SKIDA1: variants seen among roughly 807,000 people sequenced by gnomAD.
The protein encoded by SKIDA1 is SKI/DACH domain-containing protein 1.
SKIDA1 carries 18 observed loss-of-function variants against 51.4 expected under a neutral mutation model. The ratio of observed to expected loss-of-function variants is 0.35; its 90% CI spans 0.24 to 0.52. SKIDA1 has a LOEUF of 0.52. Ranked by LOEUF, SKIDA1 falls within the 20% of genes least tolerant of loss-of-function variation. The pLI is 0.95. For missense variants in SKIDA1, 1,104 were observed against 1,180.6 expected, an observed-to-expected ratio of 0.94 and a Z score of 0.95; for synonymous variants, 579 against 500.5, an observed-to-expected ratio of 1.16 and a Z score of -2.09.
At position 21,516,770 on chromosome 10, in the gene SKIDA1, G is replaced by GTGGTGGTGGTGGTGGTGGTGA. The variant is rs1190173285; in HGVS notation, c.1032_1052dup (p.His345_His351dup). ...GACTCTGCTGCGGCGGCTGGGCCCG[G>GTGGTGGTGGTGGTGGTGGTGA]TGGTGGTGGTGGTGGTGGTGATGGT... On this transcript the variant is annotated inframe_insertion, in exon 4 of 4. Coordinates refer to ENST00000449193, the MANE Select transcript of SKIDA1 (RefSeq NM_207371.4). This position sits in a 1 kb window ranked among gnomAD's most constrained non-coding sequence, Gnocchi z 5.7. 4 of 1,521,306 alleles carry GTGGTGGTGGTGGTGGTGGTGA rather than the reference G, an allele frequency of 2.6e-6. No homozygotes were observed. In the South Asian group the frequency reaches 3.7e-5, roughly 14 times the overall value. 94.2% of individuals were successfully genotyped at this position (1,521,306 alleles called of 1,614,324 possible).
chr10:21,515,779 G>A lies in SKIDA1; in HGVS notation c.2044C>T (p.Leu682=). The A allele has an allele frequency of 6.2e-7, 1 of 1,613,994 alleles. No homozygotes were observed. The highest frequency in any genetic ancestry group is 1.1e-5 in the South Asian group (1 of 91,088). Residue 682 remains leucine, a synonymous_variant, in exon 4 of 4, where the codon CTG becomes TTG. Coordinates refer to ENST00000449193, the MANE Select transcript of SKIDA1 (RefSeq NM_207371.4). ...TDTGDKTLPF[L]HNIKIKVEDS... is the part of the protein sequence containing the mutation. The stretch of plus-strand genomic sequence containing the variant: ...TCTACTTTGATTTTAATATTGTGCA[G>A]AAATGGCAATGTCTTGTCGCCTGTG...
intron 1 of SKIDA1, among the ~76,000 whole-genome samples, chr10:21,524,504 T>C (rs557365228): frequency 6.8e-6 from 1 of 147,718 alleles, no homozygotes; most frequent in South Asian, 2.1e-4. Context: ...CCTTTCCTTT[T>C]GAAAGTTTAG....
chr10:21,515,364 A>C lies in SKIDA1; in HGVS notation c.2459T>G (p.Leu820Arg). 6.2e-7 allele frequency: 1 copy of C among 1,614,008 alleles called. No individual in the cohort carries two copies. Among genetic ancestry groups the C allele is most frequent in the Non-Finnish European group, 8.5e-7 (1 of 1,179,898 alleles). The stretch of plus-strand genomic sequence containing the variant: ...TCTGTTTATAACTGTAAAATCATCC[A>C]GTGTTCCTTCATTTGTCTCAGTTTT... ...TGKTETNEGT[L>R]DDFTVINRRK... Residue 820 changes from leucine to arginine, a missense_variant, in exon 4 of 4, where the codon CTG (leucine) becomes CGG (arginine). This residue lies in a region of SKIDA1 where 112 missense variants were observed against 168.3 expected (regional missense o/e 0.67). Coordinates refer to ENST00000449193, the MANE Select transcript of SKIDA1 (RefSeq NM_207371.4).
chr10:21,521,272 A>G (rs948165222), intron 3 of SKIDA1, 117 bp downstream of exon 3: 4 of 152,488 alleles, frequency 2.6e-5, no homozygotes, highest in Non-Finnish European at 5.9e-5. Context: ...TTCGATCAAT[A>G]GCTACCAACA....
In SKIDA1 at chr10:21,515,298, C is replaced by T. The variant is rs760773536; in HGVS notation, c.2525G>A (p.Arg842Lys). Residue 842 changes from arginine (R) to lysine (K), a missense_variant, in exon 4 of 4, where the codon AGG becomes AAG. Around this residue, in one of 3 missense-constraint regions of SKIDA1, gnomAD observed 112 missense variants for 168.3 expected, o/e 0.67. Transcript: ENST00000449193. The part of the protein sequence containing the change: ...VASNVASAVK[R>K]PFHFMANFPC... Reference sequence around the variant, plus strand: ...AAAATTTGCCATGAAATGAAATGGCCTTTTCACTGCTGATGCTACATTGCT... The same window carrying T: ...AAAATTTGCCATGAAATGAAATGGCTTTTTCACTGCTGATGCTACATTGCT... The T allele has an allele frequency of 3.1e-6, 5 of 1,613,960 alleles. No homozygotes were observed. The highest frequency in any genetic ancestry group is 3.3e-4 in the Middle Eastern group (2 of 6,062).
chr10:21,517,952 G>C lies in SKIDA1; in HGVS notation c.-130C>G. ...GGCATCCTGCTAATAAAATAACAAA[G>C]ACTGTTATTCCCGGCGAAGGAAGTG... On this transcript the variant is annotated 5_prime_UTR_variant, in exon 4 of 4. Transcript: ENST00000449193. The surrounding 1 kb of genome is among the most constrained non-coding windows in gnomAD (Gnocchi z 6.9). 4.9e-6 allele frequency: 4 copies of C among 818,108 alleles called. No homozygotes were observed. The highest frequency in any genetic ancestry group is 3.2e-5 in the East Asian group (1 of 31,438). 50.7% of individuals were successfully genotyped at this position (818,108 alleles called of 1,614,324 possible).
Position 21,517,478 on chromosome 10 carries a change from C to G in SKIDA1, c.345G>C (p.Lys115Asn). 6.5e-7 allele frequency: 1 copy of G among 1,540,212 alleles called. No homozygotes were observed. The highest frequency in any genetic ancestry group is 2.5e-5 in the East Asian group (1 of 40,616). ...CAGCGGCGCGCTCTGGCGGCGGCGC[C>G]TTTGTGGCCAGGGCCCGGCCGACCC... is the stretch of plus-strand genomic sequence containing the variant. Reference protein sequence around the residue: ...RRRVGRALATKAPPPERAAAA... With the variant: ...RRRVGRALATNAPPPERAAAA... The change falls in exon 4 of 4, where the codon AAG becomes AAC. Residue 115 changes from lysine to asparagine, a missense_variant. Physicochemically the swap from Lys to Asn is moderately conservative, Grantham distance 94. Coordinates refer to ENST00000449193, the MANE Select transcript of SKIDA1 (RefSeq NM_207371.4). The surrounding 1 kb of genome is among the most constrained non-coding windows in gnomAD (Gnocchi z 6.9).
Position 21,516,844 on chromosome 10 carries a change from G to A in SKIDA1, c.979C>T (p.His327Tyr), listed in dbSNP as rs2032229634. The A allele has an allele frequency of 2.6e-6, 4 of 1,539,422 alleles. No individual in the cohort carries two copies. The South Asian group carries it at 3.6e-5, about 14-fold the overall frequency. ...GGCGGGCAGAAGCCGTTGACCAGAT[G>A]AAACCTCTCCAGGCAAGTGGCCCCC... ...AAGATCLERF[H>Y]LVNGFCPPPH... The change falls in exon 4 of 4, where the codon CAT becomes TAT. Residue 327 changes from histidine to tyrosine, a missense_variant. His to Tyr is a moderately conservative substitution (Grantham distance 83). Around this residue, in one of 3 missense-constraint regions of SKIDA1, gnomAD observed 938 missense variants for 886.4 expected, o/e 1.06. Coordinates refer to ENST00000449193, the MANE Select transcript of SKIDA1 (RefSeq NM_207371.4). This position sits in a 1 kb window ranked among gnomAD's most constrained non-coding sequence, Gnocchi z 5.7.
rs762910782 is a variant in SKIDA1 at position 21,517,353 on chromosome 10, C to A, written c.470G>T (p.Arg157Leu). The A allele has an allele frequency of 1.4e-6, 2 of 1,416,524 alleles. No individual in the cohort carries two copies. The highest frequency in any genetic ancestry group is 1.8e-6 in the Non-Finnish European group (2 of 1,084,964). 87.7% of individuals were successfully genotyped at this position (1,416,524 alleles called of 1,614,324 possible). A position where few individuals can be genotyped will look rare whatever the true frequency, so the allele number is the denominator to read the frequency against. Residue 157 changes from arginine (R) to leucine (L), a missense_variant, in exon 4 of 4, where the codon CGC becomes CTC. Arg to Leu is a moderately radical substitution (Grantham distance 102). Coordinates refer to ENST00000449193, the MANE Select transcript of SKIDA1 (RefSeq NM_207371.4). This position sits in a 1 kb window ranked among gnomAD's most constrained non-coding sequence, Gnocchi z 6.9. Reference sequence around the variant, plus strand: ...GGGGCGCGCGGCGGCGGCGCCCGGGCGCTGGGACTGCGCGCTGATTGGCAG... The same window carrying A: ...GGGGCGCGCGGCGGCGGCGCCCGGGAGCTGGGACTGCGCGCTGATTGGCAG... ...RPLPISAQSQ[R>L]PGAAAARPAA...
At position 21,516,000 on chromosome 10, in the gene SKIDA1, G is replaced by A. The variant is rs1588681114; in HGVS notation, c.1823C>T (p.Thr608Ile). ...TATTGTGTTGTTATCTGCACAGTGT[G>A]TAGTAGGAGTTGTTTGTAGGCATTT... is the stretch of plus-strand genomic sequence containing the variant. ...ARKCLQTTPTTHCADNNTIAA... is the reference protein window; with the variant it reads ...ARKCLQTTPTIHCADNNTIAA... Residue 608 changes from threonine to isoleucine, a missense_variant, in exon 4 of 4, where the codon ACA becomes ATA. This residue lies in a region of SKIDA1 where 938 missense variants were observed against 886.4 expected (regional missense o/e 1.06). Transcript: ENST00000449193. 6.2e-7 allele frequency: 1 copy of A among 1,613,904 alleles called. No individual in the cohort carries two copies. The highest frequency in any genetic ancestry group is 1.3e-5 in the African/African-American group (1 of 74,942).
chr10:21,519,743 A>T (rs2131274391), intron 3 of SKIDA1, 85 bp from the exon 4 acceptor site: 1 of 166,870 alleles, frequency 6.0e-6, no homozygotes, highest in Non-Finnish European at 1.5e-5. Context: ...TGGCACGAGC[A>T]GGTATGGCTC....
Position 21,516,194 on chromosome 10 carries a change from A to T in SKIDA1, c.1629T>A (p.Ala543=). The change falls in exon 4 of 4, where the codon GCT becomes GCA. Residue 543 remains alanine, a synonymous_variant. Coordinates refer to ENST00000449193, the MANE Select transcript of SKIDA1 (RefSeq NM_207371.4). The surrounding 1 kb of genome is among the most constrained non-coding windows in gnomAD (Gnocchi z 5.7). ...YCPASLGSCF[A]EIRNDRVSEI... is the part of the protein sequence containing the mutation. ...CAGATACCCTATCGTTCCTTATCTC[A>T]GCGAAACAACTCCCCAGGCTGGCCG... 6.2e-7 allele frequency: 1 copy of T among 1,613,984 alleles called. No individual in the cohort carries two copies. The highest frequency in any genetic ancestry group is 8.5e-7 in the Non-Finnish European group (1 of 1,179,890).
rs866254958 is a variant in SKIDA1, at chr10:21,515,500, C to A, written c.2323G>T (p.Ala775Ser). ...KPEDGEYKFG[A>S]RVRKNYRTLV... Reference sequence around the variant, plus strand: ...GTCCGGTAATTTTTTCTCACCCTGGCACCAAATTTATATTCCCCATCCTCA... The same window carrying A: ...GTCCGGTAATTTTTTCTCACCCTGGAACCAAATTTATATTCCCCATCCTCA... The change falls in exon 4 of 4, where the codon GCC (alanine) becomes TCC (serine). Residue 775 changes from alanine to serine, a missense_variant. By Grantham distance (99) the Ala-to-Ser change is moderately conservative (BLOSUM62 1). Transcript: ENST00000449193. The A allele has an allele frequency of 1.2e-6, 2 of 1,613,874 alleles. No individual in the cohort carries two copies. The highest frequency in any genetic ancestry group is 1.3e-5 in the African/African-American group (1 of 74,908).
chr10:21,524,906 T>TTACTG (rs2032617967), intron 1 of SKIDA1: 1 of 152,194 alleles, frequency 6.6e-6, no homozygotes, highest in Non-Finnish European at 1.5e-5. Flanking sequence ...GGGATTCGCT[T>TTACTG]TACTCTACCT....
At position 21,517,039 on chromosome 10, in the gene SKIDA1, C is replaced by T. The variant is rs1233363273; in HGVS notation, c.784G>A (p.Gly262Arg). ...CGGTAGCTCAGGCTCCCCGGGCCTC[C>T]GGCGCCCGCCGCTGCCTTGGGCTGG... ...GPQPKAAAGA[G>R]GPGSLSYRCK... Residue 262 changes from glycine to arginine, a missense_variant, in exon 4 of 4, where the codon GGA (glycine) becomes AGA (arginine). By Grantham distance (125) the Gly-to-Arg change is moderately radical. Transcript: ENST00000449193. The surrounding 1 kb of genome is among the most constrained non-coding windows in gnomAD (Gnocchi z 6.9). 10 of 1,021,020 alleles carry T rather than the reference C, an allele frequency of 9.8e-6. No individual in the cohort carries two copies. In the African/African-American group the frequency reaches 1.3e-4, roughly 13 times the overall value. The allele number at this position is 1,021,020 out of a possible 1,614,324, so 63.2% of individuals were successfully genotyped here.
Position 21,516,872 on chromosome 10 carries a change from GGCGGCCGCCGC to G in SKIDA1, c.940_950del (p.Ala314ArgfsTer121). 1 of 1,299,508 alleles carries G rather than the reference GGCGGCCGCCGC, an allele frequency of 7.7e-7. No homozygotes were observed. The highest frequency in any genetic ancestry group is 2.9e-5 in the South Asian group (1 of 34,602). The allele number at this position is 1,299,508 out of a possible 1,614,324, so 80.5% of individuals were successfully genotyped here. A position where few individuals can be genotyped will look rare whatever the true frequency, so the allele number is the denominator to read the frequency against. On this transcript the variant is annotated frameshift_variant, in exon 4 of 4. Transcript: ENST00000449193. LOFTEE classifies it high-confidence loss of function. This position sits in a 1 kb window ranked among gnomAD's most constrained non-coding sequence, Gnocchi z 5.7. ...ACCTCTCCAGGCAAGTGGCCCCCGC[GGCGGCCGCCGC>G]CGCCGCTGCCGCCGCCGCCGCCGCC...
Position 21,517,247 on chromosome 10 carries a change from A to G in SKIDA1, c.576T>C (p.Pro192=). 1 of 1,472,094 alleles carries G rather than the reference A, an allele frequency of 6.8e-7. No homozygotes were observed. The highest frequency in any genetic ancestry group is 9.0e-7 in the Non-Finnish European group (1 of 1,109,044). The allele number at this position is 1,472,094 out of a possible 1,614,324, so 91.2% of individuals were successfully genotyped here. ...GGAGCGGGGCAGTTTCATAGTTTAG[A>G]GGGGGTTTGCACGGCGAGCGCACGA... ...PEIVRSPCKP[P]LNYETAPLQG... is the part of the protein sequence containing the mutation. The change falls in exon 4 of 4, where the codon CCT becomes CCC. Residue 192 remains proline, a synonymous_variant. Coordinates refer to ENST00000449193, the MANE Select transcript of SKIDA1 (RefSeq NM_207371.4). This position sits in a 1 kb window ranked among gnomAD's most constrained non-coding sequence, Gnocchi z 6.9.
intron 3 of SKIDA1, among the ~76,000 whole-genome samples, chr10:21,520,454 G>A (rs567903995): frequency 2.3e-5 from 3 of 129,980 alleles, no homozygotes; most frequent in East Asian, 5.3e-4. Context: ...ATATAGTACT[G>A]CCAGCCCTCG....
intron 2 of SKIDA1, among the ~76,000 whole-genome samples, chr10:21,523,374 C>T (rs1044342615): frequency 1.3e-5 from 2 of 152,152 alleles, no homozygotes; most frequent in African/African-American, 2.4e-5. Flanking sequence ...AGAATGTTTA[C>T]AGCTCAAGAA....
Sources: gnomAD v4.1 joint callset for allele counts (sites outside exome capture counted in the v4.1 genomes callset) on GRCh38, gnomAD v4.1.1 for gene constraint, gnomAD v4.1.1 regional missense constraint, Gnocchi (gnomAD v3.1) non-coding constraint, MANE v1.5 for transcripts, NCBI Gene and HGNC (gene_info 2026-07-23, HGNC 2026-07-21) for gene names.